GRIN2B: variants seen among roughly 807,000 people sequenced by gnomAD.
The protein encoded by GRIN2B is glutamate receptor ionotropic, NMDA 2B.
A neutral mutation model predicts 114.5 loss-of-function variants in GRIN2B; 5 were observed. The observed-to-expected ratio is 0.04, with a 90% CI of 0.02 to 0.09. GRIN2B has a LOEUF of 0.09. Among genes scored for constraint, GRIN2B ranks in the 10% least tolerant of loss-of-function variants. GRIN2B has a pLI of 1.00. For missense variants in GRIN2B, 1,108 were observed against 1,943.5 expected (o/e 0.57, Z 8.08); for synonymous variants, 787 against 745.1 (o/e 1.06, Z -0.92).
intron 5 of GRIN2B, among the ~76,000 whole-genome samples, chr12:13,666,846 G>A (rs1430334991): frequency 2.6e-5 from 4 of 152,116 alleles, no homozygotes; most frequent in Non-Finnish European, 2.9e-5. Flanking sequence ...AGGACAATCA[G>A]GTATTTTAGC....
intron 5 of GRIN2B, among the ~76,000 whole-genome samples, chr12:13,672,578 C>T (rs1450471041): frequency 1.3e-5 from 2 of 152,140 alleles, no homozygotes; most frequent in African/African-American, 4.8e-5. Context: ...ACACCTGGCT[C>T]CTGCCATCCT....
intron 2 of GRIN2B, among the ~76,000 whole-genome samples, chr12:13,941,535 TAGGATGG>T (rs1055947418): frequency 1.3e-5 from 2 of 152,006 alleles, no homozygotes; most frequent in Admixed American, 1.3e-4. Context: ...TTCTGTGGGG[TAGGATGG>T]AGGATATAAA....
At chr12:13,953,918 G>A (rs971260562) in intron 2 of GRIN2B, among the ~76,000 whole-genome samples, 3 of 152,112 alleles carry the variant, frequency 2.0e-5, no homozygotes, top group African/African-American at 7.2e-5. Flanking sequence ...TTTCTTCACT[G>A]AATAATAATA....
At chr12:13,837,091 C>A (rs979934461) in intron 3 of GRIN2B, among the ~76,000 whole-genome samples, 8 of 152,192 alleles carry the variant, frequency 5.3e-5, no homozygotes, top group African/African-American at 1.9e-4. Flanking sequence ...GCTGTGCTCT[C>A]TCTGAAACTT....
chr12:13,799,797 G>A (rs118016575), intron 3 of GRIN2B, among the ~76,000 whole-genome samples: 37 of 152,164 alleles, frequency 2.4e-4, no homozygotes, highest in Admixed American at 5.2e-4. Context: ...ATGGCAGGGG[G>A]TACAGGCAAG....
chr12:13,733,886 T>C (rs1591702760), intron 4 of GRIN2B, among the ~76,000 whole-genome samples: 1 of 152,206 alleles, frequency 6.6e-6, no homozygotes, highest in African/African-American at 2.4e-5. Flanking sequence ...GACATTATTT[T>C]ACAGAGAAGA....
At chr12:13,594,903 CT>C (rs1182924218) in intron 10 of GRIN2B, among the ~76,000 whole-genome samples, 1 of 152,114 alleles carries the variant, frequency 6.6e-6, no homozygotes, top group Non-Finnish European at 1.5e-5. Flanking sequence ...TACCAAATTC[CT>C]TTTTGCCCCA....
rs535541605 is a variant in GRIN2B at position 13,786,555 on chromosome 12, T to C, written c.412-32640A>G. Among the ~76,000 whole-genome samples, 6 of 152,060 alleles carry C rather than the reference T, an allele frequency of 3.9e-5. 1 individual carries two copies. In the South Asian group the frequency reaches 1.0e-3, roughly 26 times the overall value. Reference sequence around the variant, plus strand: ...CTGAGTCCTGGCGGACACACTTACATACTTAAGAAAGCAGACCTGCCATTG... The same window carrying C: ...CTGAGTCCTGGCGGACACACTTACACACTTAAGAAAGCAGACCTGCCATTG... On this transcript the variant is annotated intron_variant, in intron 3 of 13. Transcript: ENST00000609686.
intron 4 of GRIN2B, among the ~76,000 whole-genome samples, chr12:13,732,005 G>A (rs1230062403): frequency 6.6e-6 from 1 of 152,170 alleles, no homozygotes; most frequent in Non-Finnish European, 1.5e-5. Flanking sequence ...CATGGGTAGA[G>A]ATTCAAGAAC....
chr12:13,919,751 G>A (rs368373905), intron 2 of GRIN2B, among the ~76,000 whole-genome samples: 96 of 152,196 alleles, frequency 6.3e-4, no homozygotes, highest in African/African-American at 2.0e-3. Flanking sequence ...AAGCTGATGC[G>A]GGGATCGTCT....
chr12:13,672,214 T>C (rs534167666), intron 5 of GRIN2B, among the ~76,000 whole-genome samples: 1 of 152,238 alleles, frequency 6.6e-6, no homozygotes, highest in East Asian at 1.9e-4. Context: ...TCCCATGCCA[T>C]CATTTTAGAG....
At chr12:13,847,707 A>G (rs1865493737) in intron 3 of GRIN2B, among the ~76,000 whole-genome samples, 2 of 152,082 alleles carry the variant, frequency 1.3e-5, no homozygotes. Flanking sequence ...AGAAAGGAGG[A>G]CAGAGAGAAG....
intron 4 of GRIN2B, among the ~76,000 whole-genome samples, chr12:13,703,542 T>G (rs1048778001): frequency 6.6e-6 from 1 of 152,202 alleles, no homozygotes; most frequent in Non-Finnish European, 1.5e-5. Flanking sequence ...TATACATAAC[T>G]GCTGTAATGT....
chr12:13,783,005 TC>T (rs778007402), intron 3 of GRIN2B, among the ~76,000 whole-genome samples: 126 of 152,136 alleles, frequency 8.3e-4, no homozygotes, highest in Middle Eastern at 6.8e-3. Context: ...TCACTGTCCT[TC>T]CCCCCAAAAA....
intron 3 of GRIN2B, among the ~76,000 whole-genome samples, chr12:13,786,123 T>G (rs1864217597): frequency 6.6e-6 from 1 of 152,200 alleles, no homozygotes; most frequent in Admixed American, 6.5e-5. Flanking sequence ...TTGAGAGTTT[T>G]GCCTTTGCCC....
rs117760843 is a variant in GRIN2B, at chr12:13,633,582, C to A, written c.1126-16925G>T. The stretch of plus-strand genomic sequence containing the variant: ...TATTTACCAGGTATCGCCTGCCTGA[C>A]CTGCAGCCAGCTGGTAGAAATAAAA... On this transcript the variant is annotated intron_variant, in intron 5 of 13. Transcript: ENST00000609686. Among the ~76,000 whole-genome samples, 437 of 152,286 alleles carry A rather than the reference C, an allele frequency of 2.9e-3. 2 individuals carry two copies. The highest frequency in any genetic ancestry group is 3.9e-3 in the Non-Finnish European group (264 of 68,028).
chr12:13,756,553 G>C (rs951275714), intron 3 of GRIN2B, among the ~76,000 whole-genome samples: 3 of 152,190 alleles, frequency 2.0e-5, no homozygotes, highest in Admixed American at 2.0e-4. Flanking sequence ...ATTCCGAAAT[G>C]AGAAATATTA....
chr12:13,808,964 C>A (rs1337394593), intron 3 of GRIN2B, among the ~76,000 whole-genome samples: 1 of 151,940 alleles, frequency 6.6e-6, no homozygotes, highest in Non-Finnish European at 1.5e-5. Flanking sequence ...AGAACAAGAG[C>A]AAAGAAACGT....
chr12:13,956,843 A>G (rs951154267), intron 2 of GRIN2B, among the ~76,000 whole-genome samples: 8 of 152,206 alleles, frequency 5.3e-5, no homozygotes, highest in Admixed American at 1.3e-4. Flanking sequence ...TCTAGACTCA[A>G]GAGAGTCAGA....
Sources: gnomAD v4.1 joint callset for allele counts (sites outside exome capture counted in the v4.1 genomes callset) on GRCh38, gnomAD v4.1.1 for gene constraint, MANE v1.5 for transcripts, NCBI Gene and HGNC (gene_info 2026-07-23, HGNC 2026-07-21) for gene names.